The following GPAT2 variants were observed in gnomAD, a reference collection of about 807,000 sequenced individuals.
GPAT2 encodes 1-acylglycerol-3-phosphate O-acyltransferase GPAT2.
Under a neutral mutation model 71.0 loss-of-function variants are expected in GPAT2, and 51 were observed. That is an observed-to-expected ratio of 0.72 (90% CI 0.57 to 0.91). The LOEUF is 0.91. GPAT2 is among the 40% of genes least tolerant of loss of function. The pLI, the probability that GPAT2 is intolerant of heterozygous loss-of-function variation, is 0.00. For synonymous variants in GPAT2, 222 were observed against 290.3 expected, an observed-to-expected ratio of 0.76 and a Z score of 2.39; for missense variants, 511 against 666.0, an observed-to-expected ratio of 0.77 and a Z score of 2.56.
At position 96,024,451 on chromosome 2, in the gene GPAT2, C is replaced by T. The variant is rs775199489; in HGVS notation, c.1663G>A (p.Val555Ile). 5.9e-5 allele frequency: 95 copies of T among 1,613,780 alleles called. No homozygotes were observed. The highest frequency in any genetic ancestry group is 7.7e-5 in the South Asian group (7 of 91,068). Residue 555 changes from valine (V) to isoleucine (I), a missense_variant, in exon 15 of 22, where the codon GTC (valine) becomes ATC (isoleucine). Coordinates refer to ENST00000434632, the MANE Select transcript of GPAT2 (RefSeq NM_001321527.2). The part of the protein sequence containing the change: ...LAQLSAELLP[V>I]FLSEAVGACA... Reference sequence around the variant, plus strand: ...CCGCCCACAGCCTCGCTCAGGAAGACGGGCAGCAGCTCAGCACTCAGTTGT... The same window carrying T: ...CCGCCCACAGCCTCGCTCAGGAAGATGGGCAGCAGCTCAGCACTCAGTTGT...
intron 11 of GPAT2, 44 bp from the exon 12 acceptor site, chr2:96,026,056 G>T: frequency 1.2e-6 from 2 of 1,607,724 alleles, no homozygotes; most frequent in South Asian, 2.2e-5. Context: ...GGGCCCACCA[G>T]GAAACTTGCA....
rs1424303591 is a variant in GPAT2, at chr2:96,025,967, G to A, written c.1201C>T (p.Leu401=). 3 of 1,612,634 alleles carry A rather than the reference G, an allele frequency of 1.9e-6. No homozygotes were observed. Among genetic ancestry groups the A allele is most frequent in the East Asian group, 4.5e-5 (2 of 44,884 alleles). ...ARSCWGGRQT[L]EQLLQPIVLG... is the part of the protein sequence containing the mutation. ...ACGATGGGCTGCAGTAGCTGCTCCA[G>A]GGTCTGTCTGCCGCCCCAGCAGCTT... The change falls in exon 12 of 22, where the codon CTG becomes TTG. Residue 401 remains leucine, a synonymous_variant. Coordinates refer to ENST00000434632, the MANE Select transcript of GPAT2 (RefSeq NM_001321527.2).
chr2:96,026,330 T>A (rs1176251523), intron 10 of GPAT2, 25 bp from the exon 11 acceptor site: 1 of 1,479,812 alleles, frequency 6.8e-7, no homozygotes, highest in Non-Finnish European at 9.0e-7. Flanking sequence ...AGGATAACTA[T>A]ACTCGCCGAG....
rs1305495343 is a variant in GPAT2 at position 96,026,172 on chromosome 2, T to G, written c.1155+11A>C. On this transcript the variant is annotated intron_variant, in intron 11 of 21. Transcript: ENST00000434632. ...CCAGGTACTCCCAGCCTTCCCCAGC[T>G]GGCTCCATACCTGCAGGGAAAAGGG... 6.3e-7 allele frequency: 1 copy of G among 1,598,066 alleles called. No individual in the cohort carries two copies. Among genetic ancestry groups the G allele is most frequent in the Non-Finnish European group, 8.5e-7 (1 of 1,171,594 alleles).
rs754299869 is a variant in GPAT2 at position 96,026,014 on chromosome 2, T to A, written c.1156-2A>T. On this transcript the variant is annotated splice_acceptor_variant, in intron 11 of 21. Transcript: ENST00000434632. LOFTEE classifies it high-confidence loss of function. Reference sequence around the variant, plus strand: ...GCTTCTGGCACTGACGATGTATTCCTGCCCAAGAGAAGGCTCTTAGGTGGC... The same window carrying A: ...GCTTCTGGCACTGACGATGTATTCCAGCCCAAGAGAAGGCTCTTAGGTGGC... 44 of 1,612,624 alleles carry A rather than the reference T, an allele frequency of 2.7e-5. No homozygotes were observed. The highest frequency in any genetic ancestry group is 1.7e-6 in the Non-Finnish European group (2 of 1,179,742).
rs1324606998 is a variant in GPAT2, at chr2:96,023,931, C to T, written c.1906G>A (p.Ala636Thr). ...DRLIQCGLLV[A>T]EETPGSRPAC... is the part of the protein sequence containing the mutation. ...CCAACTGCCCTGCCTACCTCCTCAG[C>T]AACCAGGAGCCCGCATTGGATGAGC... Residue 636 changes from alanine (A) to threonine (T), a missense_variant, in exon 17 of 22, where the codon GCT becomes ACT. Ala to Thr is a moderately conservative substitution (Grantham distance 58). Transcript: ENST00000434632. 5.6e-6 allele frequency: 9 copies of T among 1,599,918 alleles called. No homozygotes were observed. The highest frequency in any genetic ancestry group is 1.3e-5 in the African/African-American group (1 of 74,766).
rs1573845629 is a variant in GPAT2, at chr2:96,023,050, G to A, written c.2168-27C>T. 2.5e-6 allele frequency: 4 copies of A among 1,614,022 alleles called. No individual in the cohort carries two copies. In the African/African-American group the frequency reaches 4.0e-5, roughly 16 times the overall value. ...TGCAGAAGAGAGAAGACCTAGACCTGGCACCCAGCACAGACACAGCCTGCC... is the reference window on the plus strand; with the variant it reads ...TGCAGAAGAGAGAAGACCTAGACCTAGCACCCAGCACAGACACAGCCTGCC... On this transcript the variant is annotated intron_variant, in intron 19 of 21. Coordinates refer to ENST00000434632, the MANE Select transcript of GPAT2 (RefSeq NM_001321527.2).
At position 96,032,075 on chromosome 2, in the gene GPAT2, G is replaced by A. The variant is rs76666665; in HGVS notation, c.135C>T (p.Pro45=). 40,659 of 1,536,734 alleles carry A rather than the reference G, an allele frequency of 0.026. 697 individuals carry two copies. The highest frequency in any genetic ancestry group is 0.14 in the East Asian group (6,140 of 43,488). The stretch of plus-strand genomic sequence containing the variant: ...AGGTCTGGCAACAGCGACCCACAAA[G>A]GGGCGATACTTCCCCAGGAATGGAG... ...AVTPFLGKYR[P]FVGRCCQTCT... The change falls in exon 3 of 22, where the codon CCC becomes CCT. Residue 45 remains proline (P), a synonymous_variant. Coordinates refer to ENST00000434632, the MANE Select transcript of GPAT2 (RefSeq NM_001321527.2).
chr2:96,026,042 G>C lies in GPAT2; in HGVS notation c.1156-30C>G, dbSNP rs757236622. The C allele has an allele frequency of 9.9e-6, 16 of 1,609,972 alleles. No homozygotes were observed. The Admixed American group carries it at 2.5e-4, about 25-fold the overall frequency. On this transcript the variant is annotated intron_variant, in intron 11 of 21. Coordinates refer to ENST00000434632, the MANE Select transcript of GPAT2 (RefSeq NM_001321527.2). ...CCAAGAGAAGGCTCTTAGGTGGCCT[G>C]CTCGGGCCCACCAGGAAACTTGCAC...
chr2:96,024,161 A>T, intron 16 of GPAT2, 28 bp downstream of exon 16: 1 of 1,497,376 alleles, frequency 6.7e-7, no homozygotes, highest in Non-Finnish European at 8.9e-7. Context: ...AAGGCCTAGG[A>T]CCAAGTGGGC....
At chr2:96,034,074 T>A (rs561989010) in intron 1 of GPAT2, among the ~76,000 whole-genome samples, 2 of 149,562 alleles carry the variant, frequency 1.3e-5, no homozygotes, top group African/African-American at 4.9e-5. Context: ...TATATACATA[T>A]AATACATATA....
At position 96,024,702 on chromosome 2, in the gene GPAT2, G is replaced by C; in HGVS notation, c.1429-17C>G. 4.3e-6 allele frequency: 7 copies of C among 1,613,770 alleles called. No homozygotes were observed. Among genetic ancestry groups the C allele is most frequent in the Non-Finnish European group, 5.9e-6 (7 of 1,179,886 alleles). On this transcript the variant is annotated splice_polypyrimidine_tract_variant and intron_variant, in intron 14 of 21. Transcript: ENST00000434632. ...GAACACACCCTGGGTGGGCAGAGCA[G>C]GGCTAGGCAGCAGGGCCACACATCG...
chr2:96,023,018 C>G lies in GPAT2; in HGVS notation c.2173G>C (p.Gly725Arg). The change falls in exon 20 of 22, where the codon GGC (glycine) becomes CGC (arginine). Residue 725 changes from glycine to arginine, a missense_variant. Transcript: ENST00000434632. ...AACTGGAACAGCTGCTCTGTGTAGC[C>G]CAACTCTGCAGAAGAGAGAAGACCT... ...RQGQLPDTELGYTEQLFQFLQ... is the reference protein window; with the variant it reads ...RQGQLPDTELRYTEQLFQFLQ... The G allele has an allele frequency of 6.2e-7, 1 of 1,613,968 alleles. No homozygotes were observed. Among genetic ancestry groups the G allele is most frequent in the Non-Finnish European group, 8.5e-7 (1 of 1,179,854 alleles).
At chr2:96,031,994 C>T in intron 3 of GPAT2, 39 bp downstream of exon 3, 1 of 1,479,520 alleles carries the variant, frequency 6.8e-7, no homozygotes, top group South Asian at 1.2e-5. Context: ...CTCCCAGAAC[C>T]AAGCTTCCTG....
chr2:96,034,249 T>C (rs1346285501), intron 1 of GPAT2, among the ~76,000 whole-genome samples: 1 of 103,432 alleles, frequency 9.7e-6, no homozygotes, highest in Non-Finnish European at 2.0e-5. Flanking sequence ...CTGGCATCTC[T>C]GAGCACACAC....
rs376315001 is a variant in GPAT2 at position 96,022,998 on chromosome 2, G to T, written c.2193C>A (p.Phe731Leu). ...CCTGGGCGGTGGCCTGCAGGAACTG[G>T]AACAGCTGCTCTGTGTAGCCCAACT... ...DTELGYTEQL[F>L]QFLQATAQEE... is the part of the protein sequence containing the mutation. Residue 731 changes from phenylalanine (F) to leucine (L), a missense_variant, in exon 20 of 22, where the codon TTC becomes TTA. By Grantham distance (22) the Phe-to-Leu change is conservative. This residue lies in a region of GPAT2 where 108 missense variants were observed against 117.6 expected (regional missense o/e 0.92). Coordinates refer to ENST00000434632, the MANE Select transcript of GPAT2 (RefSeq NM_001321527.2). 2 of 1,613,956 alleles carry T rather than the reference G, an allele frequency of 1.2e-6. No homozygotes were observed. Among genetic ancestry groups the T allele is most frequent in the Non-Finnish European group, 8.5e-7 (1 of 1,179,852 alleles).
rs780391399 is a variant in GPAT2 at position 96,023,335 on chromosome 2, C to G, written c.2020G>C (p.Gly674Arg). 6.2e-7 allele frequency: 1 copy of G among 1,614,208 alleles called. No individual in the cohort carries two copies. The highest frequency in any genetic ancestry group is 1.1e-5 in the South Asian group (1 of 91,088). ...DFTDSDSDDFGEADGRYFRLS... is the reference protein window; with the variant it reads ...DFTDSDSDDFREADGRYFRLS... ...CTGAAGTACCGGCCGTCAGCCTCTC[C>G]GAAGTCATCACTGTCACTATCAGTA... Residue 674 changes from glycine (G) to arginine (R), a missense_variant, in exon 18 of 22, where the codon GGA (glycine) becomes CGA (arginine). Around this residue, in one of 7 missense-constraint regions of GPAT2, gnomAD observed 295 missense variants for 305.5 expected, o/e 0.97. Transcript: ENST00000434632.
rs1274200317 is a variant in GPAT2 at position 96,024,769 on chromosome 2, C to A, written c.1428+4G>T. 3.1e-6 allele frequency: 5 copies of A among 1,613,854 alleles called. No homozygotes were observed. Among genetic ancestry groups the A allele is most frequent in the Non-Finnish European group, 4.2e-6 (5 of 1,179,950 alleles). On this transcript the variant is annotated splice_donor_region_variant and intron_variant, in intron 14 of 21. Transcript: ENST00000434632. Reference sequence around the variant, plus strand: ...CCAGGTCCCCACCACATTGCACCCCCTACCTTCTGATGCTTGAAGAGCAGC... The same window carrying A: ...CCAGGTCCCCACCACATTGCACCCCATACCTTCTGATGCTTGAAGAGCAGC...
rs369552393 is a variant in GPAT2 at position 96,023,015 on chromosome 2, A to T, written c.2176T>A (p.Tyr726Asn). The change falls in exon 20 of 22, where the codon TAC becomes AAC. Residue 726 changes from tyrosine to asparagine, a missense_variant. Transcript: ENST00000434632. Reference protein sequence around the residue: ...QGQLPDTELGYTEQLFQFLQA... With the variant: ...QGQLPDTELGNTEQLFQFLQA... ...AGGAACTGGAACAGCTGCTCTGTGT[A>T]GCCCAACTCTGCAGAAGAGAGAAGA... 8.1e-6 allele frequency: 13 copies of T among 1,613,860 alleles called. No individual in the cohort carries two copies. The highest frequency in any genetic ancestry group is 9.3e-6 in the Non-Finnish European group (11 of 1,179,864).
Sources: allele counts gnomAD v4.1 joint callset (sites outside exome capture counted in the v4.1 genomes callset), GRCh38; gene constraint gnomAD v4.1.1; regional missense constraint gnomAD v4.1.1; transcripts MANE v1.5; gene names NCBI Gene and HGNC (gene_info 2026-07-23, HGNC 2026-07-21).